The following ANKS1B variants were observed in gnomAD, a reference collection of about 807,000 sequenced individuals.
ANKS1B encodes ankyrin repeat and sterile alpha motif domain-containing protein 1B.
A neutral mutation model predicts 148.3 loss-of-function variants in ANKS1B; 36 were observed. The observed-to-expected ratio is 0.24, with a 90% CI of 0.19 to 0.32. The LOEUF (loss-of-function observed/expected upper bound fraction) is 0.32, where lower values mean the gene tolerates loss of function less well. ANKS1B is among the 10% of genes least tolerant of loss of function. ANKS1B has a pLI of 1.00. For missense variants in ANKS1B, 1,157 were observed against 1,542.6 expected, an observed-to-expected ratio of 0.75 and a Z score of 4.19; for synonymous variants, 542 against 560.8, an observed-to-expected ratio of 0.97 and a Z score of 0.47.
intron 4 of ANKS1B, among the ~76,000 whole-genome samples, chr12:99,805,236 A>G (rs2067441273): frequency 6.9e-6 from 1 of 143,994 alleles, no homozygotes; most frequent in African/African-American, 2.5e-5. Flanking sequence ...TTGGAAGCCA[A>G]GAAATAACCA....
intron 12 of ANKS1B, among the ~76,000 whole-genome samples, chr12:99,383,856 AAAAAAAAAAAAG>A (rs2093746954): frequency 6.7e-6 from 1 of 148,952 alleles, no homozygotes; most frequent in Admixed American, 6.6e-5. Context: ...CTACAAAAAA[AAAAAAAAAAAAG>A]AAAAGAAAAG....
At chr12:99,696,727 C>T (rs61553404) in intron 8 of ANKS1B, among the ~76,000 whole-genome samples, 4,092 of 152,194 alleles carry the variant, frequency 0.027, 206 homozygotes, top group African/African-American at 0.093. Flanking sequence ...ATAAATTAGA[C>T]TTCATTTAAA....
chr12:99,527,305 T>C (rs1253458760), intron 9 of ANKS1B, among the ~76,000 whole-genome samples: 3 of 152,120 alleles, frequency 2.0e-5, no homozygotes, highest in African/African-American at 7.2e-5. Context: ...TTAGGGACTA[T>C]CAAAAAAGGG....
At chr12:99,681,975 A>G (rs1289115819) in intron 8 of ANKS1B, among the ~76,000 whole-genome samples, 3 of 152,254 alleles carry the variant, frequency 2.0e-5, no homozygotes, top group East Asian at 3.8e-4. Flanking sequence ...CTATTCTTAC[A>G]TAAGGTAAAA....
rs756363018 is a variant in ANKS1B, at chr12:99,399,667, T to C, written c.1720A>G (p.Thr574Ala). The change falls in exon 12 of 27, where the codon ACC (threonine) becomes GCC (alanine). Residue 574 changes from threonine (T) to alanine (A), a missense_variant. This residue lies in a region of ANKS1B where 661 missense variants were observed against 642.1 expected (regional missense o/e 1.03). Coordinates refer to ENST00000683438, the MANE Select transcript of ANKS1B (RefSeq NM_001352186.2). ...PASPPTSSVGTTEVKNEGTNH... is the reference protein window; with the variant it reads ...PASPPTSSVGATEVKNEGTNH... ...GTTCCCTCATTCTTGACTTCTGTGGTTCCCACAGAAGAGGTGGGTGGACTA... is the reference window on the plus strand; with the variant it reads ...GTTCCCTCATTCTTGACTTCTGTGGCTCCCACAGAAGAGGTGGGTGGACTA... 2 of 1,613,424 alleles carry C rather than the reference T, an allele frequency of 1.2e-6. No homozygotes were observed. Among genetic ancestry groups the C allele is most frequent in the Non-Finnish European group, 8.5e-7 (1 of 1,179,436 alleles).
rs932805135 is a variant in ANKS1B, at chr12:99,614,358, G to A, written c.1272+40709C>T. On this transcript the variant is annotated intron_variant, in intron 9 of 26. Coordinates refer to ENST00000683438, the MANE Select transcript of ANKS1B (RefSeq NM_001352186.2). ...ACTGAGACATGAGAATCACTTGAAT[G>A]CAGGAGGCGGAGGTTGCAGTGAGTT... is the stretch of plus-strand genomic sequence containing the variant. Among the ~76,000 whole-genome samples the A allele has an allele frequency of 4.0e-5, 6 of 151,720 alleles. No individual in the cohort carries two copies. The South Asian group carries it at 1.3e-3, about 32-fold the overall frequency.
chr12:99,951,039 C>G (rs1334412861), intron 1 of ANKS1B, among the ~76,000 whole-genome samples: 1 of 152,146 alleles, frequency 6.6e-6, no homozygotes, highest in African/African-American at 2.4e-5. Context: ...AAAAGGATTT[C>G]CCCCTCAGAA....
intron 17 of ANKS1B, among the ~76,000 whole-genome samples, chr12:98,934,268 T>C (rs2152979207): frequency 6.6e-6 from 1 of 152,290 alleles, no homozygotes; most frequent in Non-Finnish European, 1.5e-5. Context: ...TCCCATTGTG[T>C]ATTCTTGGCA....
intron 9 of ANKS1B, chr12:99,649,975 G>A: frequency 1.3e-5 from 2 of 153,126 alleles, no homozygotes. Context: ...TACACATGGT[G>A]CAGAGGTGGA....
chr12:99,753,112 C>T (rs1220521887), intron 8 of ANKS1B, among the ~76,000 whole-genome samples: 1 of 151,842 alleles, frequency 6.6e-6, no homozygotes, highest in East Asian at 1.9e-4. Context: ...CTGGAATTTC[C>T]AATTAATGTT....
rs532282712 is a variant in ANKS1B at position 98,829,455 on chromosome 12, C to T, written c.2887-102G>A. 691 of 1,180,184 alleles carry T rather than the reference C, an allele frequency of 5.9e-4. 8 individuals are homozygous for T. In the South Asian group the frequency reaches 9.7e-3, roughly 17 times the overall value. 73.1% of individuals were successfully genotyped at this position (1,180,184 alleles called of 1,614,324 possible). On this transcript the variant is annotated intron_variant, in intron 18 of 26. Coordinates refer to ENST00000683438, the MANE Select transcript of ANKS1B (RefSeq NM_001352186.2). This position sits in a 1 kb window ranked among gnomAD's most constrained non-coding sequence, Gnocchi z 5.2. ...AAGACAAACTGTGGGGGTGGGGAGT[C>T]GCTTTTGAAGCAACAGCCAAGGAAT...
At chr12:99,788,327 G>T (rs2065221103) in intron 4 of ANKS1B, among the ~76,000 whole-genome samples, 3 of 152,178 alleles carry the variant, frequency 2.0e-5, no homozygotes. Context: ...GGGCAGAGTT[G>T]TGAAGCCCTA....
rs117677979 is a variant in ANKS1B at position 99,241,453 on chromosome 12, G to T, written c.2419+2889C>A. Among the ~76,000 whole-genome samples, 88 of 152,248 alleles carry T rather than the reference G, an allele frequency of 5.8e-4. 1 individual carries two copies. In the East Asian group the frequency reaches 0.014, roughly 25 times the overall value. On this transcript the variant is annotated intron_variant, in intron 14 of 26. Coordinates refer to ENST00000683438, the MANE Select transcript of ANKS1B (RefSeq NM_001352186.2). ...TCCAGGACAAGACAAATTCACAGCCGAGTTCTACCAGAGGTACAAAGAGGA... is the reference window on the plus strand; with the variant it reads ...TCCAGGACAAGACAAATTCACAGCCTAGTTCTACCAGAGGTACAAAGAGGA...
chr12:98,957,610 T>C (rs888886007), intron 17 of ANKS1B, among the ~76,000 whole-genome samples: 2 of 152,092 alleles, frequency 1.3e-5, no homozygotes, highest in African/African-American at 2.4e-5. Flanking sequence ...CCTCCCAAAG[T>C]GCTGGGATTA....
chr12:99,461,597 T>C (rs2095971943), intron 10 of ANKS1B, among the ~76,000 whole-genome samples: 1 of 152,166 alleles, frequency 6.6e-6, no homozygotes, highest in Non-Finnish European at 1.5e-5. Context: ...CTATAGTCCA[T>C]ACTTCCTCAT....
chr12:99,649,237 A>T (rs750439990), intron 9 of ANKS1B: 1 of 1,359,112 alleles, frequency 7.4e-7, no homozygotes, highest in Non-Finnish European at 1.1e-6. Context: ...ATAGGAAGAG[A>T]AAGGAGATCT....
chr12:99,324,263 T>C (rs183089107), intron 12 of ANKS1B, among the ~76,000 whole-genome samples: 2 of 152,316 alleles, frequency 1.3e-5, no homozygotes, highest in African/African-American at 2.4e-5. Flanking sequence ...TATTTACTCA[T>C]ATAATCTTCA....
chr12:99,343,417 T>C (rs2090212086), intron 12 of ANKS1B, among the ~76,000 whole-genome samples: 1 of 152,120 alleles, frequency 6.6e-6, no homozygotes, highest in Non-Finnish European at 1.5e-5. Context: ...TTAATATTAC[T>C]TTTCTTTATC....
intron 8 of ANKS1B, among the ~76,000 whole-genome samples, chr12:99,696,324 C>A (rs1041957243): frequency 6.6e-6 from 1 of 152,066 alleles, no homozygotes; most frequent in Non-Finnish European, 1.5e-5. Context: ...CATTCCTACT[C>A]GATTTCAAGG....
Sources: gnomAD v4.1 joint callset for allele counts (sites outside exome capture counted in the v4.1 genomes callset) on GRCh38, gnomAD v4.1.1 for gene constraint, gnomAD v4.1.1 regional missense constraint, Gnocchi (gnomAD v3.1) non-coding constraint, MANE v1.5 for transcripts, NCBI Gene and HGNC (gene_info 2026-07-23, HGNC 2026-07-21) for gene names.